Variants in NECAB2 observed in about 807,000 individuals in gnomAD.
The protein encoded by NECAB2 is N-terminal EF-hand calcium-binding protein 2.
NECAB2 carries 68 observed loss-of-function variants against 51.9 expected under a neutral mutation model. The observed-to-expected ratio is 1.31, with a 90% CI of 1.08 to 1.60. The LOEUF (loss-of-function observed/expected upper bound fraction) is 1.60. Among genes scored for constraint, NECAB2 ranks in the 40% most tolerant of loss-of-function variants. The pLI is 0.00. For synonymous variants in NECAB2, 329 were observed against 203.5 expected (o/e 1.62, Z -5.25); for missense variants, 854 against 490.3 (o/e 1.74, Z -7.00).
chr16:83,992,377 T>TCC (rs60014664), intron 6 of NECAB2, among the ~76,000 whole-genome samples: 5,211 of 132,900 alleles, frequency 0.039, 466 homozygotes, highest in African/African-American at 0.15. Flanking sequence ...CGAGCACCCG[T>TCC]CCCCCCGCCC....
upstream of NECAB2, chr16:83,965,858 G>A (rs199943564): frequency 2.4e-4 from 387 of 1,612,990 alleles, 1 homozygote; most frequent in Middle Eastern, 1.5e-3. Context: ...CCCCATTGAC[G>A]TGGACCCCTT....
Position 84,002,462 on chromosome 16 carries a change from C to G in NECAB2, c.*116C>G, listed in dbSNP as rs531849370. On this transcript the variant is annotated 3_prime_UTR_variant, in exon 13 of 13. Coordinates refer to ENST00000305202, the MANE Select transcript of NECAB2 (RefSeq NM_019065.3). Reference sequence around the variant, plus strand: ...AAGCTTCTTTTCAATCCATCCTCCACAAGAAGGTGTTTCCCTGTTGTTAAG... The same window carrying G: ...AAGCTTCTTTTCAATCCATCCTCCAGAAGAAGGTGTTTCCCTGTTGTTAAG... 7 of 1,367,382 alleles carry G rather than the reference C, an allele frequency of 5.1e-6. No individual in the cohort carries two copies. Among genetic ancestry groups the G allele is most frequent in the African/African-American group, 1.4e-5 (1 of 69,296 alleles). 84.7% of individuals were successfully genotyped at this position (1,367,382 alleles called of 1,614,324 possible). A position where few individuals can be genotyped will look rare whatever the true frequency, so the allele number is the denominator to read the frequency against.
chr16:84,002,655 A>C lies in NECAB2; in HGVS notation c.*309A>C. The C allele has an allele frequency of 2.0e-6, 1 of 496,020 alleles. No individual in the cohort carries two copies. Among genetic ancestry groups the C allele is most frequent in the South Asian group, 2.2e-5 (1 of 44,566 alleles). 30.7% of individuals were successfully genotyped at this position (496,020 alleles called of 1,614,324 possible). A position where few individuals can be genotyped will look rare whatever the true frequency, so the allele number is the denominator to read the frequency against. Reference sequence around the variant, plus strand: ...ACATGGCCACGCATGACCCACACTGACCACACCCTGCCCTCTTCGGTGACA... The same window carrying C: ...ACATGGCCACGCATGACCCACACTGCCCACACCCTGCCCTCTTCGGTGACA... On this transcript the variant is annotated 3_prime_UTR_variant, in exon 13 of 13. Coordinates refer to ENST00000305202, the MANE Select transcript of NECAB2 (RefSeq NM_019065.3).
chr16:83,999,475 T>C (rs1290064426), intron 10 of NECAB2, among the ~76,000 whole-genome samples: 2 of 152,170 alleles, frequency 1.3e-5, no homozygotes, highest in East Asian at 3.9e-4. Flanking sequence ...GGTGAGATTC[T>C]ACTTCCCAGG....
intron 2 of NECAB2, among the ~76,000 whole-genome samples, chr16:83,977,746 G>C (rs1321745787): frequency 6.6e-6 from 1 of 152,232 alleles, no homozygotes. Context: ...AGAACCTCAT[G>C]CCGGCCATTG....
intron 5 of NECAB2, among the ~76,000 whole-genome samples, chr16:83,989,859 C>G (rs1019058883): frequency 2.0e-5 from 3 of 152,320 alleles, no homozygotes; most frequent in Admixed American, 1.3e-4. Flanking sequence ...CTAAGACTCC[C>G]TCTCTGATTT....
intron 5 of NECAB2, among the ~76,000 whole-genome samples, 197 bp from the exon 6 acceptor site, chr16:83,990,297 T>G (rs1010738303): frequency 5.9e-5 from 9 of 152,160 alleles, no homozygotes; most frequent in African/African-American, 2.2e-4. Context: ...GGTTCAAATT[T>G]GGTCTCTAAA....
intron 5 of NECAB2, among the ~76,000 whole-genome samples, chr16:83,989,726 C>A (rs1170608108): frequency 6.6e-6 from 1 of 152,210 alleles, no homozygotes; most frequent in Non-Finnish European, 1.5e-5. Flanking sequence ...AGCATCTCCA[C>A]TGGATCCAAA....
At chr16:83,999,325 G>C (rs1171715531) in intron 10 of NECAB2, among the ~76,000 whole-genome samples, 3 of 152,190 alleles carry the variant, frequency 2.0e-5, no homozygotes, top group Admixed American at 6.5e-5. Flanking sequence ...GCAGGGGCCA[G>C]ACTTGATCTT....
chr16:83,995,432 G>T (rs1440680796), intron 8 of NECAB2, among the ~76,000 whole-genome samples: 1 of 152,110 alleles, frequency 6.6e-6, no homozygotes, highest in Non-Finnish European at 1.5e-5. Flanking sequence ...TCATAGGGGT[G>T]TCGTTAGGAT....
Position 83,968,707 on chromosome 16 carries a change from C to T in NECAB2, c.59C>T (p.Pro20Leu). 1 of 1,006,204 alleles carries T rather than the reference C, an allele frequency of 9.9e-7. No homozygotes were observed. The highest frequency in any genetic ancestry group is 1.2e-6 in the Non-Finnish European group (1 of 845,924). The allele number at this position is 1,006,204 out of a possible 1,614,324, so 62.3% of individuals were successfully genotyped here. A position where few individuals can be genotyped will look rare whatever the true frequency, so the allele number is the denominator to read the frequency against. Residue 20 changes from proline to leucine, a missense_variant, in exon 1 of 13, where the codon CCG (proline) becomes CTG (leucine). Physicochemically the swap from Pro to Leu is moderately conservative, Grantham distance 98. Coordinates refer to ENST00000305202, the MANE Select transcript of NECAB2 (RefSeq NM_019065.3). ...RAGAHRLLRE[P>L]PQQGRALGGL... The stretch of plus-strand genomic sequence containing the variant: ...GGCGCGCACAGGCTGCTCCGGGAGC[C>T]GCCGCAGCAGGGCCGGGCGCTGGGC...
At chr16:83,980,464 T>C (rs1382740313) in intron 3 of NECAB2, among the ~76,000 whole-genome samples, 3 of 152,076 alleles carry the variant, frequency 2.0e-5, no homozygotes, top group Non-Finnish European at 4.4e-5. Flanking sequence ...CAGGGTCGAC[T>C]GGGGGTGGGT....
chr16:83,994,173 C>A (rs1567675288), intron 6 of NECAB2, 129 bp from the exon 7 acceptor site: 1 of 820,578 alleles, frequency 1.2e-6, no homozygotes, highest in Non-Finnish European at 2.0e-6. Flanking sequence ...AAAACAAAGG[C>A]CATGATGCAA....
chr16:83,965,504 G>C, upstream of NECAB2: 1 of 1,611,822 alleles, frequency 6.2e-7, no homozygotes, highest in Non-Finnish European at 8.5e-7. Flanking sequence ...CAACATCCCG[G>C]TGATCCATGC....
intron 5 of NECAB2, among the ~76,000 whole-genome samples, chr16:83,981,851 C>T (rs1597206236): frequency 6.6e-6 from 1 of 152,140 alleles, no homozygotes; most frequent in African/African-American, 2.4e-5. Flanking sequence ...GTGAGGGACC[C>T]ACAGGTGCTC....
intron 10 of NECAB2, among the ~76,000 whole-genome samples, chr16:83,999,874 G>GT (rs1434516547): frequency 2.2e-5 from 3 of 139,528 alleles, no homozygotes; most frequent in African/African-American, 9.1e-5. Context: ...ATTTTTAAAG[G>GT]TTTTTTGATT....
chr16:83,967,543 GGATA>G (rs1200995939), upstream of NECAB2, among the ~76,000 whole-genome samples: 2 of 143,304 alleles, frequency 1.4e-5, no homozygotes, highest in Non-Finnish European at 3.1e-5. Flanking sequence ...GAGGGAGGGA[GGATA>G]GATGGATGGA....
At position 83,990,474 on chromosome 16, in the gene NECAB2, C is replaced by G. The variant is rs1250947032; in HGVS notation, c.460-20C>G. 4.3e-6 allele frequency: 7 copies of G among 1,613,208 alleles called. No homozygotes were observed. The South Asian group carries it at 5.5e-5, about 13-fold the overall frequency. On this transcript the variant is annotated intron_variant, in intron 5 of 12. Coordinates refer to ENST00000305202, the MANE Select transcript of NECAB2 (RefSeq NM_019065.3). ...CCTCCCACCCCTTTCCCCTCAGTGC[C>G]TCTTCTCTTCCTTCCACAGGTATAT...
Position 84,001,935 on chromosome 16 carries a change from G to A in NECAB2, c.1132+19G>A, listed in dbSNP as rs201544501. ...GTGCCAGGTAGGGGGCAAAGGCCTG[G>A]AACTGCAGTGGCCACCTGACTGGAG... On this transcript the variant is annotated intron_variant, in intron 12 of 12. Coordinates refer to ENST00000305202, the MANE Select transcript of NECAB2 (RefSeq NM_019065.3). 34 of 1,611,196 alleles carry A rather than the reference G, an allele frequency of 2.1e-5. No individual in the cohort carries two copies. The highest frequency in any genetic ancestry group is 2.9e-5 in the Non-Finnish European group (34 of 1,178,160).
Sources: gnomAD v4.1 joint callset for allele counts (sites outside exome capture counted in the v4.1 genomes callset) on GRCh38, gnomAD v4.1.1 for gene constraint, MANE v1.5 for transcripts, NCBI Gene and HGNC (gene_info 2026-07-23, HGNC 2026-07-21) for gene names.